STEAP1B: variants seen among roughly 807,000 people sequenced by gnomAD.
STEAP1B encodes the protein STEAP family protein MGC87042.
A neutral mutation model predicts 27.9 loss-of-function variants in STEAP1B; 13 were observed. The ratio of observed to expected loss-of-function variants is 0.47; its 90% CI spans 0.30 to 0.74. STEAP1B has a LOEUF of 0.74. STEAP1B is among the 30% of genes least tolerant of loss of function. STEAP1B has a pLI of 0.06. For synonymous variants in STEAP1B, 86 were observed against 107.1 expected, an observed-to-expected ratio of 0.80 and a Z score of 1.22; for missense variants, 250 against 298.7, an observed-to-expected ratio of 0.84 and a Z score of 1.20.
chr7:22,459,057 C>T (rs935878466), intron 4 of STEAP1B, among the ~76,000 whole-genome samples: 4 of 152,172 alleles, frequency 2.6e-5, no homozygotes, highest in Non-Finnish European at 5.9e-5. Context: ...TTGACTTTGG[C>T]TCACCTTGTC....
rs77929715 is a variant in STEAP1B at position 22,453,251 on chromosome 7, C to A, written c.763-33415G>T. ...CATCTCAACCATCTTTAGAAAGAAG[C>A]CTTCTGAAAGGTCTCATGATGTGCA... is the stretch of plus-strand genomic sequence containing the variant. On this transcript the variant is annotated intron_variant, in intron 4 of 4. Coordinates refer to ENST00000678116, the MANE Select transcript of STEAP1B (RefSeq NM_001382447.1). 2.1e-3 allele frequency among the ~76,000 whole-genome samples: 314 copies of A among 152,298 alleles called. 3 individuals carry two copies. The highest frequency in any genetic ancestry group is 0.013 in the East Asian group (69 of 5,188).
chr7:22,476,893 C>G (rs4722146), intron 4 of STEAP1B, among the ~76,000 whole-genome samples: 27,829 of 152,038 alleles, frequency 0.18, 2,744 homozygotes, highest in East Asian at 0.38. Context: ...TGGGAGAATT[C>G]ATCTCCTTGT....
intron 4 of STEAP1B, among the ~76,000 whole-genome samples, chr7:22,453,142 C>T (rs150884790): frequency 7.4e-4 from 112 of 152,270 alleles, no homozygotes; most frequent in African/African-American, 2.6e-3. Flanking sequence ...CAACCAACTG[C>T]GACAGGATTT....
intron 4 of STEAP1B, among the ~76,000 whole-genome samples, chr7:22,457,104 G>C (rs3114727): frequency 2.0e-5 from 3 of 149,570 alleles, no homozygotes; most frequent in Non-Finnish European, 4.4e-5. Context: ...ACAAAAGGCC[G>C]AGTCTCTAAA....
chr7:22,488,498 C>T (rs964021926), intron 4 of STEAP1B, among the ~76,000 whole-genome samples: 1 of 152,218 alleles, frequency 6.6e-6, no homozygotes, highest in African/African-American at 2.4e-5. Context: ...AAGTGGACCC[C>T]ACCCTCATCC....
intron 4 of STEAP1B, among the ~76,000 whole-genome samples, chr7:22,471,982 T>C (rs941999115): frequency 3.3e-5 from 5 of 151,608 alleles, no homozygotes; most frequent in East Asian, 1.9e-4. Context: ...TTTCTGGCTA[T>C]TGGAAGAATA....
intron 4 of STEAP1B, among the ~76,000 whole-genome samples, chr7:22,464,565 T>G (rs865895968): frequency 6.6e-6 from 1 of 152,154 alleles, no homozygotes; most frequent in Middle Eastern, 3.4e-3. Flanking sequence ...AGACAGTGCC[T>G]TTAAGAGGTG....
At chr7:22,488,197 C>G (rs928486019) in intron 4 of STEAP1B, among the ~76,000 whole-genome samples, 2 of 152,210 alleles carry the variant, frequency 1.3e-5, no homozygotes, top group African/African-American at 4.8e-5. Flanking sequence ...ATCCACATGG[C>G]CTCCAGGACC....
At chr7:22,492,319 CAAAAAAAAA>C (rs56679156) in intron 4 of STEAP1B, 2,864 of 54,672 alleles carry the variant, frequency 0.052, 101 homozygotes, top group African/African-American at 0.15. Flanking sequence ...ACTTCATCTC[CAAAAAAAAA>C]AAAAAAAAAA....
At chr7:22,466,012 C>T (rs1157917494) in intron 4 of STEAP1B, among the ~76,000 whole-genome samples, 1 of 152,170 alleles carries the variant, frequency 6.6e-6, no homozygotes, top group Non-Finnish European at 1.5e-5. Flanking sequence ...TCTTCAGGTT[C>T]ATTCCCTAGT....
At chr7:22,455,775 A>G (rs1204978907) in intron 4 of STEAP1B, among the ~76,000 whole-genome samples, 1 of 152,232 alleles carries the variant, frequency 6.6e-6, no homozygotes, top group African/African-American at 2.4e-5. Context: ...TGATATGCTT[A>G]TATAACTGGA....
chr7:22,448,298 G>A (rs1052121821), intron 4 of STEAP1B, among the ~76,000 whole-genome samples: 1 of 152,114 alleles, frequency 6.6e-6, no homozygotes, highest in African/African-American at 2.4e-5. Context: ...AAGGAATATA[G>A]ATACCAATTA....
At chr7:22,459,454 A>T (rs763780732) in intron 4 of STEAP1B, among the ~76,000 whole-genome samples, 23 of 152,242 alleles carry the variant, frequency 1.5e-4, no homozygotes, top group Non-Finnish European at 3.1e-4. Context: ...ATGTTGGCAA[A>T]AGGCCCCAGA....
At chr7:22,450,959 C>A (rs1785477796) in intron 4 of STEAP1B, among the ~76,000 whole-genome samples, 1 of 152,080 alleles carries the variant, frequency 6.6e-6, no homozygotes, top group South Asian at 2.1e-4. Flanking sequence ...CTTTGGGAGG[C>A]CAAGGTAGGC....
chr7:22,453,634 T>G (rs145153038), intron 4 of STEAP1B, among the ~76,000 whole-genome samples: 2 of 152,360 alleles, frequency 1.3e-5, no homozygotes, highest in African/African-American at 4.8e-5. Flanking sequence ...AATATATACC[T>G]ATGTAACAAC....
intron 4 of STEAP1B, among the ~76,000 whole-genome samples, chr7:22,487,985 T>C (rs1046986653): frequency 3.9e-5 from 6 of 152,062 alleles, no homozygotes; most frequent in African/African-American, 1.4e-4. Flanking sequence ...CACCCCATAA[T>C]AAAGGGTGAC....
At chr7:22,427,193 G>T (rs562768695) in intron 4 of STEAP1B, among the ~76,000 whole-genome samples, 1 of 152,336 alleles carries the variant, frequency 6.6e-6, no homozygotes, top group East Asian at 1.9e-4. Context: ...TGCAGGATGA[G>T]TTAACGTGTA....
chr7:22,446,405 T>C, intron 4 of STEAP1B, among the ~76,000 whole-genome samples: 1 of 152,232 alleles, frequency 6.6e-6, no homozygotes, highest in Non-Finnish European at 1.5e-5. Flanking sequence ...ACAGGAAATT[T>C]GTTAGAAATA....
chr7:22,472,716 A>G (rs143936260), intron 4 of STEAP1B, among the ~76,000 whole-genome samples: 2 of 152,122 alleles, frequency 1.3e-5, no homozygotes, highest in Non-Finnish European at 2.9e-5. Context: ...TTCCCTGTCC[A>G]GATCTTTCTG....
Sources: allele counts gnomAD v4.1 joint callset (sites outside exome capture counted in the v4.1 genomes callset), GRCh38; gene constraint gnomAD v4.1.1; transcripts MANE v1.5; gene names NCBI Gene and HGNC (gene_info 2026-07-23, HGNC 2026-07-21).